Variants in TRA2A observed in about 807,000 individuals in gnomAD.
The protein encoded by TRA2A is transformer-2 protein homolog alpha.
A neutral mutation model predicts 45.7 loss-of-function variants in TRA2A; 31 were observed. The ratio of observed to expected loss-of-function variants is 0.68; its 90% confidence interval spans 0.51 to 0.92. TRA2A has a LOEUF of 0.92. Among genes scored for constraint, TRA2A ranks in the 40% least tolerant of loss-of-function variants. The probability of loss-of-function intolerance (pLI) is 0.00; values close to 1 mark genes in which losing one functional copy is unlikely to be tolerated. For synonymous variants in TRA2A, 132 were observed against 126.2 expected (o/e 1.05, Z -0.31); for missense variants, 304 against 367.5 (o/e 0.83, Z 1.41).
chr7:23,529,339 G>A (rs531093129), intron 1 of TRA2A, among the ~76,000 whole-genome samples: 14 of 152,178 alleles, frequency 9.2e-5, no homozygotes, highest in African/African-American at 2.9e-4. Context: ...GTGTCGTGGC[G>A]CAATTCCGCC....
At chr7:23,531,158 G>A (rs994134309) in intron 1 of TRA2A, 4 of 955,090 alleles carry the variant, frequency 4.2e-6, no homozygotes, top group African/African-American at 3.5e-5. Context: ...AACGCTTAAG[G>A]GTCGGTGCGG....
At chr7:23,513,160 AC>A in intron 3 of TRA2A, 78 bp from the exon 4 acceptor site, 12 of 968,316 alleles carry the variant, frequency 1.2e-5, no homozygotes, top group Non-Finnish European at 1.8e-5. Context: ...TGTTTAGAAC[AC>A]CTCATCTAAT....
intron 1 of TRA2A, among the ~76,000 whole-genome samples, chr7:23,529,135 C>T (rs1296875512): frequency 2.0e-5 from 3 of 152,142 alleles, no homozygotes; most frequent in Non-Finnish European, 4.4e-5. Context: ...ATTTTTTGAG[C>T]TCAAAATCCG....
At chr7:23,518,648 G>A (rs1171030649) in intron 2 of TRA2A, among the ~76,000 whole-genome samples, 1 of 148,996 alleles carries the variant, frequency 6.7e-6, no homozygotes, top group Non-Finnish European at 1.5e-5. Flanking sequence ...GCCCAAAACT[G>A]GTAACATTTC....
chr7:23,508,798 T>A (rs778233582), intron 4 of TRA2A, among the ~76,000 whole-genome samples: 12 of 151,920 alleles, frequency 7.9e-5, no homozygotes, highest in Non-Finnish European at 1.8e-4. Context: ...CTGGCCTGCA[T>A]GCATTTATTT....
intron 1 of TRA2A, among the ~76,000 whole-genome samples, chr7:23,522,999 A>G (rs968305101): frequency 6.6e-6 from 1 of 152,190 alleles, no homozygotes; most frequent in East Asian, 1.9e-4. Flanking sequence ...TCTGACTTAA[A>G]ATATGTTCTG....
chr7:23,525,671 T>C (rs1295850309), intron 1 of TRA2A, among the ~76,000 whole-genome samples: 3 of 152,208 alleles, frequency 2.0e-5, no homozygotes. Context: ...ATCTTCTCAT[T>C]GCAACCTCCA....
Position 23,517,503 on chromosome 7 carries a change from A to AAAAAAAAAG in TRA2A, c.171-976_171-975insCTTTTTTTT, listed in dbSNP as rs764849438. ...AAAAAAAAAAAAAAAAAAAAAAAAAAAGAGAGAAAGAAAGAAAAATCACTT... is the reference window on the plus strand; with the variant it reads ...AAAAAAAAAAAAAAAAAAAAAAAAAAAAAAAAAAGAGAGAGAAAGAAAGAAAAATCACTT... On this transcript the variant is annotated intron_variant, in intron 2 of 7. Transcript: ENST00000297071. Among the ~76,000 whole-genome samples, 303 of 116,182 alleles carry AAAAAAAAAG rather than the reference A, an allele frequency of 2.6e-3. 26 individuals carry two copies. Among genetic ancestry groups the AAAAAAAAAG allele is most frequent in the Non-Finnish European group, 3.7e-3 (207 of 55,984 alleles). 76.2% of individuals were successfully genotyped at this position (116,182 alleles called of 152,430 possible).
intron 1 of TRA2A, among the ~76,000 whole-genome samples, chr7:23,526,729 G>C (rs527408804): frequency 6.6e-6 from 1 of 152,156 alleles, no homozygotes; most frequent in Non-Finnish European, 1.5e-5. Flanking sequence ...AAAGAAGATA[G>C]CGACTGCTCA....
rs748053562 is a variant in TRA2A, at chr7:23,521,773, C to T, written c.104G>A (p.Gly35Glu). The T allele has an allele frequency of 1.2e-6, 2 of 1,614,116 alleles. No homozygotes were observed. The highest frequency in any genetic ancestry group is 1.7e-6 in the Non-Finnish European group (2 of 1,180,008). ...GGAAACCCTTGATGGACTACGAGAT[C>T]CTGACCTGCTCTCCGATTTTACACG... ...PARVKSESRS[G>E]SRSPSRVSKH... The change falls in exon 2 of 8, where the codon GGA becomes GAA. Residue 35 changes from glycine (G) to glutamate (E), a missense_variant. By Grantham distance (98) the Gly-to-Glu change is moderately conservative. Around this residue, in one of 3 missense-constraint regions of TRA2A, gnomAD observed 132 missense variants for 113.4 expected, o/e 1.16. Coordinates refer to ENST00000297071, the MANE Select transcript of TRA2A (RefSeq NM_013293.5).
intron 1 of TRA2A, among the ~76,000 whole-genome samples, chr7:23,522,758 C>T (rs1055196231): frequency 1.3e-5 from 2 of 152,002 alleles, no homozygotes; most frequent in East Asian, 3.9e-4. Flanking sequence ...TTTCCCCCCA[C>T]CTAAGTGTTA....
Position 23,505,461 on chromosome 7 carries a change from G to T in TRA2A, c.*98C>A. ...AAATAAACCAAAGTTTTTTTCTTAA[G>T]GAGTAGGAAGAATCCACAGCTTGGG... On this transcript the variant is annotated 3_prime_UTR_variant, in exon 8 of 8. Transcript: ENST00000297071. 1 of 520,466 alleles carries T rather than the reference G, an allele frequency of 1.9e-6. No individual in the cohort carries two copies. 32.2% of individuals were successfully genotyped at this position (520,466 alleles called of 1,614,324 possible).
intron 3 of TRA2A, among the ~76,000 whole-genome samples, chr7:23,515,735 G>A (rs979957279): frequency 6.7e-6 from 1 of 148,964 alleles, no homozygotes; most frequent in African/African-American, 2.5e-5. Flanking sequence ...TAGCAGAGAT[G>A]GGGTTTCACC....
intron 3 of TRA2A, among the ~76,000 whole-genome samples, chr7:23,514,442 A>G (rs181296143): frequency 1.3e-5 from 2 of 152,246 alleles, no homozygotes; most frequent in Admixed American, 1.3e-4. Flanking sequence ...TTTACTTTTT[A>G]TAAGAGTGAA....
chr7:23,531,955 C>T lies in TRA2A; in HGVS notation c.-131G>A, dbSNP rs927544685. 7 of 972,490 alleles carry T rather than the reference C, an allele frequency of 7.2e-6. No homozygotes were observed. The South Asian group carries it at 7.2e-5, about 10-fold the overall frequency. The allele number at this position is 972,490 out of a possible 1,614,324, so 60.2% of individuals were successfully genotyped here. A position where few individuals can be genotyped will look rare whatever the true frequency, so the allele number is the denominator to read the frequency against. ...CAACCACAGCCGCTCCACTCCACTC[C>T]CACTCGGTCGCAGGCTCCAGCAAAA... On this transcript the variant is annotated 5_prime_UTR_variant, in exon 1 of 8. Transcript: ENST00000297071.
At chr7:23,505,638 A>G in intron 7 of TRA2A, 69 bp from the exon 8 acceptor site, 1 of 679,500 alleles carries the variant, frequency 1.5e-6, no homozygotes, top group South Asian at 2.0e-5. Flanking sequence ...TTTGCCTCAT[A>G]TTTTTCCAAC....
At chr7:23,529,754 T>C (rs985127796) in intron 1 of TRA2A, among the ~76,000 whole-genome samples, 2 of 152,050 alleles carry the variant, frequency 1.3e-5, no homozygotes, top group Non-Finnish European at 2.9e-5. Context: ...GTGAAAAAAA[T>C]ATTTCCTATG....
At chr7:23,522,364 C>T in intron 1 of TRA2A, 2 of 1,263,682 alleles carry the variant, frequency 1.6e-6, no homozygotes, top group South Asian at 1.4e-5. Context: ...TTTTCATTAG[C>T]CTTCTTTTAT....
intron 1 of TRA2A, chr7:23,531,570 G>A (rs1662004152): frequency 1.7e-6 from 1 of 601,424 alleles, no homozygotes; most frequent in South Asian, 2.0e-5. Context: ...AGAAGTCCAG[G>A]TATCAGTCAG....
Sources: allele counts gnomAD v4.1 joint callset (sites outside exome capture counted in the v4.1 genomes callset), GRCh38; gene constraint gnomAD v4.1.1; regional missense constraint gnomAD v4.1.1; transcripts MANE v1.5; gene names NCBI Gene and HGNC (gene_info 2026-07-23, HGNC 2026-07-21).